KIFC3: variants seen among roughly 807,000 people sequenced by gnomAD.
The protein encoded by KIFC3 is kinesin family member C3, also known as kinesin-like protein KIFC3.
Under a neutral mutation model 101.8 loss-of-function variants are expected in KIFC3, and 60 were observed. The ratio of observed to expected loss-of-function variants is 0.59; its 90% CI spans 0.48 to 0.73. KIFC3 has a LOEUF of 0.73. Ranked by LOEUF, KIFC3 falls within the 30% of genes least tolerant of loss-of-function variation. The pLI is 0.00. For synonymous variants in KIFC3, 476 were observed against 482.7 expected, an observed-to-expected ratio of 0.99 and a Z score of 0.18; for missense variants, 966 against 1,137.1, an observed-to-expected ratio of 0.85 and a Z score of 2.16.
At chr16:57,780,496 G>A (rs2052584969) in intron 3 of KIFC3, among the ~76,000 whole-genome samples, 1 of 149,854 alleles carries the variant, frequency 6.7e-6, no homozygotes. Flanking sequence ...GGGTGACAGA[G>A]CAAGATTCTC....
In KIFC3 at chr16:57,802,343, C is replaced by T. The variant is rs2054789752; in HGVS notation, c.-40+27G>A. ...GGCAGAGCCCAGCGCCCCGCTCGCACCCAGCCCGCCCGGGCCCCCCACTCA... is the reference window on the plus strand; with the variant it reads ...GGCAGAGCCCAGCGCCCCGCTCGCATCCAGCCCGCCCGGGCCCCCCACTCA... On this transcript the variant is annotated intron_variant, in intron 1 of 19. Coordinates refer to ENST00000445690, the MANE Select transcript of KIFC3 (RefSeq NM_001130100.2). This position sits in a 1 kb window ranked among gnomAD's most constrained non-coding sequence, Gnocchi z 5.0. 1.0e-6 allele frequency: 1 copy of T among 976,094 alleles called. No homozygotes were observed. The highest frequency in any genetic ancestry group is 1.2e-6 in the Non-Finnish European group (1 of 822,160). The allele number at this position is 976,094 out of a possible 1,614,324, so 60.5% of individuals were successfully genotyped here. A position where few individuals can be genotyped will look rare whatever the true frequency, so the allele number is the denominator to read the frequency against.
At chr16:57,830,331 G>A (rs1341996076) in intron 1 of KIFC3, among the ~76,000 whole-genome samples, 2 of 143,248 alleles carry the variant, frequency 1.4e-5, no homozygotes, top group Non-Finnish European at 3.0e-5. Context: ...TCCCCCTCCC[G>A]GGTTCCAGCA....
At position 57,819,592 on chromosome 16, in the gene KIFC3, G is replaced by A. The variant is rs1323212050; in HGVS notation, c.109-21310C>T. Among the ~76,000 whole-genome samples the A allele has an allele frequency of 6.6e-5, 10 of 151,284 alleles. No individual in the cohort carries two copies. The South Asian group carries it at 1.9e-3, about 29-fold the overall frequency. ...TATTTATTTATTGAGATGGAGTCTC[G>A]CTCTGTCACCCAGGCTGGAGTGCAA... On this transcript the variant is annotated intron_variant, in intron 1 of 2. Transcript: ENST00000563028.
Position 57,802,306 on chromosome 16 carries a change from A to G in KIFC3, c.-40+64T>C, listed in dbSNP as rs2054785123. On this transcript the variant is annotated intron_variant, in intron 1 of 19. Transcript: ENST00000445690. The surrounding 1 kb of genome is among the most constrained non-coding windows in gnomAD (Gnocchi z 5.0). Reference sequence around the variant, plus strand: ...GGGCCGGCCCGGACGCGGCGCCCCAAACGGCGGGCCGGGCAGAGCCCAGCG... The same window carrying G: ...GGGCCGGCCCGGACGCGGCGCCCCAGACGGCGGGCCGGGCAGAGCCCAGCG... The G allele has an allele frequency of 5.8e-6, 5 of 866,294 alleles. No homozygotes were observed. The highest frequency in any genetic ancestry group is 6.9e-6 in the Non-Finnish European group (5 of 721,810). 53.7% of individuals were successfully genotyped at this position (866,294 alleles called of 1,614,324 possible). A position where few individuals can be genotyped will look rare whatever the true frequency, so the allele number is the denominator to read the frequency against.
chr16:57,831,625 G>A (rs967958346), intron 1 of KIFC3, among the ~76,000 whole-genome samples: 1 of 152,162 alleles, frequency 6.6e-6, no homozygotes, highest in Non-Finnish European at 1.5e-5. Flanking sequence ...AGGAGGTCCA[G>A]GCTACTGTGA....
chr16:57,842,358 G>A (rs1206799567), intron 1 of KIFC3, among the ~76,000 whole-genome samples: 1 of 152,130 alleles, frequency 6.6e-6, no homozygotes, highest in Non-Finnish European at 1.5e-5. Context: ...GGTATGGAGT[G>A]GACATTCACT....
intron 1 of KIFC3, among the ~76,000 whole-genome samples, chr16:57,831,310 G>A (rs1555479267): frequency 6.6e-6 from 1 of 152,184 alleles, no homozygotes; most frequent in Non-Finnish European, 1.5e-5. Context: ...TCCAATAATA[G>A]CAACTCCCAC....
In KIFC3 at chr16:57,761,403, G is replaced by A. The variant is rs782151551; in HGVS notation, c.1872+10C>T. ...AGTGTGGCTGTGGTCAGGGGCTCCCGCCTCCACACCTTGTTGATGTCGTCC... is the reference window on the plus strand; with the variant it reads ...AGTGTGGCTGTGGTCAGGGGCTCCCACCTCCACACCTTGTTGATGTCGTCC... On this transcript the variant is annotated intron_variant, in intron 14 of 19. Transcript: ENST00000445690. 8.1e-6 allele frequency: 13 copies of A among 1,613,708 alleles called. No individual in the cohort carries two copies. The highest frequency in any genetic ancestry group is 1.6e-4 in the Middle Eastern group (1 of 6,082).
At chr16:57,852,733 G>C (rs1216845455) in intron 1 of KIFC3, among the ~76,000 whole-genome samples, 1 of 137,684 alleles carries the variant, frequency 7.3e-6, no homozygotes, top group Non-Finnish European at 1.6e-5. Flanking sequence ...ATTTAGATTA[G>C]GAGTAAAAAT....
At chr16:57,824,801 C>T (rs574688986) in intron 1 of KIFC3, among the ~76,000 whole-genome samples, 3 of 152,264 alleles carry the variant, frequency 2.0e-5, no homozygotes, top group Middle Eastern at 3.4e-3. Flanking sequence ...CCTGCACCCC[C>T]GGTACCTTTT....
At chr16:57,839,318 T>C (rs1282745696) in intron 1 of KIFC3, among the ~76,000 whole-genome samples, 1 of 152,026 alleles carries the variant, frequency 6.6e-6, no homozygotes, top group Non-Finnish European at 1.5e-5. Context: ...GGCGGGAGGA[T>C]CCCTTGAGCT....
chr16:57,794,099 TGAG>T (rs1377469416), intron 3 of KIFC3, among the ~76,000 whole-genome samples: 3 of 152,232 alleles, frequency 2.0e-5, no homozygotes, highest in Non-Finnish European at 2.9e-5. Context: ...ATGAGTATGA[TGAG>T]GACTAACATG....
At chr16:57,759,026 G>T in intron 19 of KIFC3, 99 bp downstream of exon 19, 1 of 1,530,828 alleles carries the variant, frequency 6.5e-7, no homozygotes, top group Non-Finnish European at 8.8e-7. Context: ...GACAGCAGGG[G>T]CTAGACCCAG....
intron 1 of KIFC3, among the ~76,000 whole-genome samples, chr16:57,844,738 C>T (rs1429248361): frequency 6.6e-6 from 1 of 152,128 alleles, no homozygotes; most frequent in Non-Finnish European, 1.5e-5. Flanking sequence ...CAGCCCGTCT[C>T]GCTCTGACAG....
At chr16:57,847,238 GGAAGGAAGGAAGGAAGGAAGGAAGGAA>G (rs1297305060) in intron 1 of KIFC3, among the ~76,000 whole-genome samples, 3 of 102,250 alleles carry the variant, frequency 2.9e-5, no homozygotes, top group East Asian at 3.1e-4. Flanking sequence ...AAGGAAGGAA[GGAAGGAAGGAAGGAAGGAAGGAAGGAA>G]GGAAGGGAAG....
At chr16:57,847,921 G>A (rs1292026701) in intron 1 of KIFC3, among the ~76,000 whole-genome samples, 1 of 151,650 alleles carries the variant, frequency 6.6e-6, no homozygotes, top group African/African-American at 2.4e-5. Flanking sequence ...AAGTAGCTGG[G>A]GACACAGGCG....
At chr16:57,850,947 CTCCTTCCT>C (rs200153757) in intron 1 of KIFC3, among the ~76,000 whole-genome samples, 7,492 of 52,000 alleles carry the variant, frequency 0.14, 333 homozygotes, top group Admixed American at 0.23. Flanking sequence ...CCTTCCCTCC[CTCCTTCCT>C]TCCTTCCTTC....
chr16:57,813,237 C>G (rs1303111813), intron 1 of KIFC3, among the ~76,000 whole-genome samples: 1 of 151,808 alleles, frequency 6.6e-6, no homozygotes, highest in Non-Finnish European at 1.5e-5. Flanking sequence ...CTGAGGCAGG[C>G]GAATCACTTG....
At chr16:57,854,563 G>A (rs540787441) in intron 1 of KIFC3, among the ~76,000 whole-genome samples, 1 of 151,796 alleles carries the variant, frequency 6.6e-6, no homozygotes, top group East Asian at 1.9e-4. Context: ...GGGAGGTGGA[G>A]GTTGCAGTGA....
Sources: gnomAD v4.1 joint callset for allele counts (sites outside exome capture counted in the v4.1 genomes callset) on GRCh38, gnomAD v4.1.1 for gene constraint, Gnocchi (gnomAD v3.1) non-coding constraint, MANE v1.5 for transcripts, NCBI Gene and HGNC (gene_info 2026-07-23, HGNC 2026-07-21) for gene names.